The following ZNF850 variants were observed in gnomAD, a reference collection of about 807,000 sequenced individuals.
ZNF850 encodes zinc finger protein 850, also known as putative zinc finger protein ENSP00000330994.
In ZNF850, 2 loss-of-function variants were observed where a neutral mutation model predicts 11.9. That is an observed-to-expected ratio of 0.17 (90% CI 0.07 to 0.53). The LOEUF (loss-of-function observed/expected upper bound fraction) is 0.53. Among genes scored for constraint, ZNF850 ranks in the 20% least tolerant of loss-of-function variants. The pLI is 0.94. For synonymous variants in ZNF850, 381 were observed against 443.0 expected (o/e 0.86, Z 1.76); for missense variants, 1,014 against 1,316.4 (o/e 0.77, Z 3.55).
chr19:36,771,659 A>G (rs1286568812), intron 1 of ZNF850, among the ~76,000 whole-genome samples: 2 of 152,150 alleles, frequency 1.3e-5, no homozygotes, highest in Non-Finnish European at 2.9e-5. Flanking sequence ...TATGATTCAA[A>G]GAGGCCGCGC....
At chr19:36,753,610 A>G (rs1343022972) in intron 4 of ZNF850, among the ~76,000 whole-genome samples, 1 of 151,678 alleles carries the variant, frequency 6.6e-6, no homozygotes, top group Non-Finnish European at 1.5e-5. Flanking sequence ...AAAATTATGC[A>G]TGATGAAATC....
intron 4 of ZNF850, among the ~76,000 whole-genome samples, chr19:36,757,460 A>G (rs902289886): frequency 2.0e-5 from 3 of 152,098 alleles, no homozygotes; most frequent in East Asian, 1.9e-4. Context: ...TGAAGTAGAA[A>G]AGATGAAACA....
In ZNF850 at chr19:36,747,920, C is replaced by A. The variant is rs763756213; in HGVS notation, c.3120G>T (p.Pro1040=). 6.4e-7 allele frequency: 1 copy of A among 1,566,908 alleles called. No homozygotes were observed. Among genetic ancestry groups the A allele is most frequent in the East Asian group, 2.3e-5 (1 of 42,634 alleles). ...IHTGEKTYQC[P]ECGKAFFYAS... is the part of the protein sequence containing the mutation. ...CATAGAAAAAGGCTTTCCCACATTC[C>A]GGACATTGATAAGTTTTCTCACCAG... The change falls in exon 5 of 5, where the codon CCG becomes CCT. Residue 1040 remains proline (P), a synonymous_variant. Coordinates refer to ENST00000591344, the MANE Select transcript of ZNF850 (RefSeq NM_001193552.2).
At chr19:36,766,082 G>A (rs2040547736) in intron 1 of ZNF850, among the ~76,000 whole-genome samples, 1 of 151,376 alleles carries the variant, frequency 6.6e-6, no homozygotes, top group African/African-American at 2.4e-5. Flanking sequence ...GGTAGAGACC[G>A]GGTTTCACCA....
At chr19:36,755,693 A>T (rs1014435657) in intron 4 of ZNF850, among the ~76,000 whole-genome samples, 7 of 143,622 alleles carry the variant, frequency 4.9e-5, no homozygotes, top group African/African-American at 1.0e-4. Context: ...ACTTCGCAAT[A>T]AAAAAAAAAA....
At chr19:36,759,586 A>G (rs752823280) in intron 4 of ZNF850, among the ~76,000 whole-genome samples, 5 of 152,218 alleles carry the variant, frequency 3.3e-5, no homozygotes, top group African/African-American at 7.2e-5. Flanking sequence ...GTCAACAGGC[A>G]TAGATCAAGT....
At position 36,746,722 on chromosome 19, in the gene ZNF850, T is replaced by G. The variant is rs1600601715; in HGVS notation, c.*1045A>C. 1 of 152,244 alleles carries G rather than the reference T, an allele frequency of 6.6e-6. No homozygotes were observed. The highest frequency in any genetic ancestry group is 2.4e-5 in the African/African-American group (1 of 41,462). 9.4% of individuals were successfully genotyped at this position (152,244 alleles called of 1,614,324 possible). On this transcript the variant is annotated 3_prime_UTR_variant, in exon 5 of 5. Transcript: ENST00000591344. ...GCACAGACTTTAGTTTTGCTTGCTT[T>G]CTTTCCAGCAAGGACTTTCTTAGCC...
chr19:36,756,540 T>C (rs1054592470), intron 4 of ZNF850, among the ~76,000 whole-genome samples: 1 of 152,246 alleles, frequency 6.6e-6, no homozygotes, highest in African/African-American at 2.4e-5. Context: ...AGTTATATAG[T>C]TACTATTTAT....
At chr19:36,771,369 G>C (rs2040581681) in intron 1 of ZNF850, among the ~76,000 whole-genome samples, 2 of 152,128 alleles carry the variant, frequency 1.3e-5, no homozygotes, top group South Asian at 4.1e-4. Flanking sequence ...AGGCTGAAGT[G>C]AAAGTTTGGC....
rs1179104105 is a variant in ZNF850 at position 36,750,116 on chromosome 19, G to T, written c.924C>A (p.Pro308=). ...QHQQIHTGEK[P]YHCKQCGKSF... ...ATTTTCCACATTGCTTACAATGATA[G>T]GGTTTCTCACCAGTGTGAATTTGCT... The change falls in exon 5 of 5, where the codon CCC becomes CCA. Residue 308 remains proline (P), a synonymous_variant. Transcript: ENST00000591344. 5.2e-6 allele frequency: 8 copies of T among 1,538,488 alleles called. No individual in the cohort carries two copies. Among genetic ancestry groups the T allele is most frequent in the Non-Finnish European group, 7.0e-6 (8 of 1,146,972 alleles).
chr19:36,745,281 G>A lies in ZNF850; in HGVS notation c.*2486C>T, dbSNP rs2040405160. ...GAAGTGTTAAATTTTTTAAACGCAA[G>A]TGTAATTTAAATAGAATGAAATACA... On this transcript the variant is annotated 3_prime_UTR_variant, in exon 5 of 5. Coordinates refer to ENST00000591344, the MANE Select transcript of ZNF850 (RefSeq NM_001193552.2). 2 of 152,078 alleles carry A rather than the reference G, an allele frequency of 1.3e-5. No homozygotes were observed. The highest frequency in any genetic ancestry group is 6.6e-5 in the Admixed American group (1 of 15,256). 9.4% of individuals were successfully genotyped at this position (152,078 alleles called of 1,614,324 possible).
intron 4 of ZNF850, among the ~76,000 whole-genome samples, chr19:36,752,726 AT>A (rs1264716314): frequency 1.3e-5 from 2 of 152,188 alleles, no homozygotes; most frequent in East Asian, 3.9e-4. Flanking sequence ...CAACATATAA[AT>A]TTCAAGGAGA....
intron 4 of ZNF850, among the ~76,000 whole-genome samples, chr19:36,761,025 AG>A (rs2040514722): frequency 6.6e-6 from 1 of 152,186 alleles, no homozygotes. Context: ...TAAATTTCAA[AG>A]GGAAAGAAGT....
At chr19:36,761,777 G>T in intron 3 of ZNF850, 39 bp from the exon 4 acceptor site, 2 of 1,259,230 alleles carry the variant, frequency 1.6e-6, no homozygotes, top group Non-Finnish European at 2.2e-6. Context: ...CAGGCATGGT[G>T]GCTCACTCCT....
At chr19:36,769,384 G>C (rs1466156606) in intron 1 of ZNF850, among the ~76,000 whole-genome samples, 1 of 151,866 alleles carries the variant, frequency 6.6e-6, no homozygotes, top group East Asian at 1.9e-4. Context: ...AGGATCACTT[G>C]AACTCAGGAG....
Position 36,750,484 on chromosome 19 carries a change from G to A in ZNF850, c.556C>T (p.Gln186Ter). The change falls in exon 5 of 5, where the codon CAA becomes TAA. Residue 186 changes from glutamine to a stop codon, truncating the protein, a stop_gained. Coordinates refer to ENST00000591344, the MANE Select transcript of ZNF850 (RefSeq NM_001193552.2). LOFTEE classifies it low-confidence loss of function (END_TRUNC). The stretch of plus-strand genomic sequence containing the variant: ...TCACCAGTATGGGTTTCTTGCTGTT[G>A]TGTAAGTTCTGAGCCATACTTAAAA... ...MAFKYGSELT[Q>*]QQETHTGEKL... 6.5e-7 allele frequency: 1 copy of A among 1,536,312 alleles called. No individual in the cohort carries two copies. The highest frequency in any genetic ancestry group is 8.7e-7 in the Non-Finnish European group (1 of 1,146,914).
In ZNF850 at chr19:36,745,107, A is replaced by G. The variant is rs545254466; in HGVS notation, c.*2660T>C. On this transcript the variant is annotated 3_prime_UTR_variant, in exon 5 of 5. Transcript: ENST00000591344. ...GCACTCCAGCCTGGGCGACAGAACG[A>G]GACTGTCTCAAAAAAAATCAATTGA... is the stretch of plus-strand genomic sequence containing the variant. 199 of 152,182 alleles carry G rather than the reference A, an allele frequency of 1.3e-3. No homozygotes were observed. Among genetic ancestry groups the G allele is most frequent in the African/African-American group, 4.6e-3 (190 of 41,502 alleles). The allele number at this position is 152,182 out of a possible 1,614,324, so 9.4% of individuals were successfully genotyped here. A position where few individuals can be genotyped will look rare whatever the true frequency, so the allele number is the denominator to read the frequency against.
At chr19:36,762,227 G>T (rs149333595) in intron 3 of ZNF850, 78 bp downstream of exon 3, 68 of 1,247,292 alleles carry the variant, frequency 5.5e-5, no homozygotes, top group Non-Finnish European at 6.9e-5. Flanking sequence ...AATTCCCTAG[G>T]CAACAGGTGA....
At chr19:36,762,058 A>G (rs940962744) in intron 3 of ZNF850, among the ~76,000 whole-genome samples, 3 of 151,658 alleles carry the variant, frequency 2.0e-5, no homozygotes, top group Non-Finnish European at 2.9e-5. Context: ...AAAAAAAAAA[A>G]AAAAGAAAAG....
Sources: gnomAD v4.1 joint callset for allele counts (sites outside exome capture counted in the v4.1 genomes callset) on GRCh38, gnomAD v4.1.1 for gene constraint, MANE v1.5 for transcripts, NCBI Gene and HGNC (gene_info 2026-07-23, HGNC 2026-07-21) for gene names.